The following STXBP6 variants were observed in gnomAD, a reference collection of about 807,000 sequenced individuals.
STXBP6 encodes syntaxin-binding protein 6.
In STXBP6, 21 loss-of-function variants were observed where a neutral mutation model predicts 26.9. The observed-to-expected ratio is 0.78, with a 90% CI of 0.55 to 1.12. STXBP6 has a LOEUF of 1.12. Among genes scored for constraint, STXBP6 ranks in the 50% most tolerant of loss-of-function variants. STXBP6 has a pLI of 0.00. For missense variants in STXBP6, 232 were observed against 257.9 expected (o/e 0.90, Z 0.69); for synonymous variants, 97 against 92.6 (o/e 1.05, Z -0.27).
chr14:25,028,252 G>A (rs759063000), intron 1 of STXBP6, among the ~76,000 whole-genome samples: 5 of 152,220 alleles, frequency 3.3e-5, no homozygotes, highest in Non-Finnish European at 7.3e-5. Flanking sequence ...CATAGGTACA[G>A]AGGAGAAGTC....
chr14:24,875,144 G>A (rs1171974237), intron 2 of STXBP6, among the ~76,000 whole-genome samples: 1 of 152,186 alleles, frequency 6.6e-6, no homozygotes, highest in East Asian at 1.9e-4. Context: ...GAGTCAGGAG[G>A]CTGGGGGTCC....
intron 1 of STXBP6, among the ~76,000 whole-genome samples, chr14:25,016,437 G>A (rs996738988): frequency 6.6e-6 from 1 of 152,140 alleles, no homozygotes; most frequent in Non-Finnish European, 1.5e-5. Flanking sequence ...TGAGGTCCTA[G>A]GCAATCCTCA....
chr14:24,899,078 C>T (rs894118730), intron 2 of STXBP6, among the ~76,000 whole-genome samples: 39 of 152,274 alleles, frequency 2.6e-4, no homozygotes, highest in African/African-American at 9.4e-4. Flanking sequence ...GACTCTGAAC[C>T]TATCAGATGA....
At chr14:24,850,826 T>C (rs940560030) in intron 4 of STXBP6, among the ~76,000 whole-genome samples, 1 of 152,190 alleles carries the variant, frequency 6.6e-6, no homozygotes, top group Non-Finnish European at 1.5e-5. Context: ...AAGAGAGAAC[T>C]GAATGAGTTA....
At chr14:25,039,775 C>CT (rs984455512) in intron 1 of STXBP6, among the ~76,000 whole-genome samples, 3 of 150,834 alleles carry the variant, frequency 2.0e-5, no homozygotes, top group African/African-American at 7.3e-5. Flanking sequence ...GGCGCGATGT[C>CT]AGTTCACTGC....
chr14:24,832,955 T>A (rs184478498), intron 4 of STXBP6, among the ~76,000 whole-genome samples: 247 of 152,330 alleles, frequency 1.6e-3, no homozygotes, highest in African/African-American at 5.7e-3. Flanking sequence ...CTCTTTAAGA[T>A]AGATACTGTT....
intron 1 of STXBP6, among the ~76,000 whole-genome samples, chr14:25,000,808 CCAGA>C (rs2074742416): frequency 6.6e-6 from 1 of 151,134 alleles, no homozygotes; most frequent in South Asian, 2.1e-4. Context: ...CAAGAAGAAT[CCAGA>C]CAGCCAGGCC....
At chr14:25,015,967 C>G (rs1282911685) in intron 1 of STXBP6, among the ~76,000 whole-genome samples, 1 of 152,162 alleles carries the variant, frequency 6.6e-6, no homozygotes, top group Non-Finnish European at 1.5e-5. Context: ...AATTGCTGAT[C>G]TGCCATTGAC....
chr14:24,845,370 T>C (rs968895453), intron 4 of STXBP6, among the ~76,000 whole-genome samples: 2 of 152,140 alleles, frequency 1.3e-5, no homozygotes, highest in African/African-American at 2.4e-5. Context: ...ATGTAATTAT[T>C]AAGGAAAACA....
intron 1 of STXBP6, chr14:24,987,931 G>A (rs1197961777): frequency 1.0e-6 from 1 of 967,312 alleles, no homozygotes; most frequent in Non-Finnish European, 1.2e-6. Flanking sequence ...ATACTGAGGA[G>A]AAGAAGAGCA....
chr14:24,971,841 T>C (rs868138250), intron 2 of STXBP6, among the ~76,000 whole-genome samples: 18 of 152,356 alleles, frequency 1.2e-4, no homozygotes, highest in South Asian at 4.1e-4. Context: ...TTAATGTCTA[T>C]TGCTACTTGC....
At chr14:24,966,717 T>C (rs2073745750) in intron 2 of STXBP6, among the ~76,000 whole-genome samples, 1 of 152,230 alleles carries the variant, frequency 6.6e-6, no homozygotes, top group Admixed American at 6.5e-5. Context: ...GCATCTATTT[T>C]TTCTACTACA....
intron 4 of STXBP6, among the ~76,000 whole-genome samples, chr14:24,839,010 T>C (rs943706933): frequency 2.0e-5 from 3 of 152,154 alleles, no homozygotes; most frequent in East Asian, 3.9e-4. Context: ...GCCCAGATCA[T>C]AAAAAGTCCA....
At chr14:24,829,924 T>C (rs2068407740) in intron 4 of STXBP6, among the ~76,000 whole-genome samples, 2 of 152,142 alleles carry the variant, frequency 1.3e-5, no homozygotes, top group Admixed American at 1.3e-4. Context: ...ACAATAATTT[T>C]CCAGGTTGTT....
Position 24,994,316 on chromosome 14 carries a change from A to G in STXBP6, c.-32-19466T>C, listed in dbSNP as rs17257724. Among the ~76,000 whole-genome samples, 361 of 152,296 alleles carry G rather than the reference A, an allele frequency of 2.4e-3. 3 individuals are homozygous for G. The highest frequency in any genetic ancestry group is 0.018 in the East Asian group (92 of 5,176). On this transcript the variant is annotated intron_variant, in intron 1 of 5. Coordinates refer to ENST00000323944, the MANE Select transcript of STXBP6 (RefSeq NM_001394410.1). ...TTCTAGAATGTCTGTCATCAACTTA[A>G]TAGCTCACTAATGCCATCAGGAGAG...
At chr14:24,846,077 C>T (rs562145569) in intron 4 of STXBP6, among the ~76,000 whole-genome samples, 4 of 152,168 alleles carry the variant, frequency 2.6e-5, no homozygotes, top group Non-Finnish European at 5.9e-5. Flanking sequence ...TGAATGAGAG[C>T]CTTTGTTTTG....
intron 1 of STXBP6, among the ~76,000 whole-genome samples, chr14:25,032,848 GT>G (rs1264570948): frequency 6.6e-6 from 1 of 152,182 alleles, no homozygotes; most frequent in Non-Finnish European, 1.5e-5. Flanking sequence ...ACATTTCTAA[GT>G]GCTGAGAAGT....
At chr14:24,815,652 G>GT (rs1427697613) in intron 5 of STXBP6, 1 of 152,038 alleles carries the variant, frequency 6.6e-6, no homozygotes, top group African/African-American at 2.4e-5. Context: ...GCAAGTCAAT[G>GT]TTTTTTTCTG....
At chr14:24,829,063 GC>G (rs2068375773) in intron 4 of STXBP6, among the ~76,000 whole-genome samples, 2 of 152,124 alleles carry the variant, frequency 1.3e-5, no homozygotes, top group East Asian at 1.9e-4. Flanking sequence ...CAGGCCCTGT[GC>G]CCCCTGTGCC....
Sources: allele counts gnomAD v4.1 joint callset (sites outside exome capture counted in the v4.1 genomes callset), GRCh38; gene constraint gnomAD v4.1.1; transcripts MANE v1.5; gene names NCBI Gene and HGNC (gene_info 2026-07-23, HGNC 2026-07-21).